Variants in IQCM observed in about 807,000 individuals in gnomAD.
The protein encoded by IQCM is IQ domain-containing protein M.
In IQCM, 45 loss-of-function variants were observed where a neutral mutation model predicts 57.6. The ratio of observed to expected loss-of-function variants is 0.78; its 90% CI spans 0.62 to 1.00. IQCM has a LOEUF of 1.00. IQCM is among the 50% of genes least tolerant of loss of function. The probability of loss-of-function intolerance (pLI) is 0.00; values close to 1 mark genes in which losing one functional copy is unlikely to be tolerated. For missense variants in IQCM, 468 were observed against 511.6 expected (o/e 0.91, Z 0.82); for synonymous variants, 148 against 158.9 (o/e 0.93, Z 0.51).
intron 12 of IQCM, among the ~76,000 whole-genome samples, chr4:149,514,021 TTA>T (rs1579320908): frequency 6.6e-6 from 1 of 152,148 alleles, no homozygotes; most frequent in Non-Finnish European, 1.5e-5. Context: ...TATGTTTGTT[TTA>T]TGTGTCACTC....
intron 10 of IQCM, among the ~76,000 whole-genome samples, chr4:149,556,784 G>T (rs947167091): frequency 2.4e-4 from 36 of 152,078 alleles, no homozygotes; most frequent in African/African-American, 8.5e-4. Flanking sequence ...AGAAACTAGC[G>T]AAGACCTTAT....
chr4:149,501,183 A>C (rs964068615), intron 12 of IQCM, among the ~76,000 whole-genome samples: 5 of 152,118 alleles, frequency 3.3e-5, no homozygotes, highest in African/African-American at 1.2e-4. Flanking sequence ...TTGACTTACA[A>C]TTATATTCTC....
chr4:149,596,015 G>A (rs1315463995), intron 8 of IQCM, among the ~76,000 whole-genome samples: 16 of 152,126 alleles, frequency 1.1e-4, no homozygotes, highest in Non-Finnish European at 8.8e-5. Context: ...AAAAATACAT[G>A]TTGCTTATCT....
chr4:149,397,117 C>G (rs1442767013), intron 13 of IQCM, among the ~76,000 whole-genome samples: 1 of 151,814 alleles, frequency 6.6e-6, no homozygotes, highest in Non-Finnish European at 1.5e-5. Flanking sequence ...TCAGGAACCT[C>G]CATGCCATTT....
chr4:149,510,054 T>C (rs1744240840), intron 12 of IQCM, among the ~76,000 whole-genome samples: 1 of 152,214 alleles, frequency 6.6e-6, no homozygotes, highest in South Asian at 2.1e-4. Context: ...TATTCTAATA[T>C]ATTGCCAACA....
At chr4:149,809,781 C>A (rs763204615) in intron 2 of IQCM, among the ~76,000 whole-genome samples, 2 of 152,128 alleles carry the variant, frequency 1.3e-5, no homozygotes, top group Non-Finnish European at 2.9e-5. Flanking sequence ...CATAAAGCAT[C>A]TCCATTTCAT....
intron 7 of IQCM, among the ~76,000 whole-genome samples, chr4:149,641,944 T>G (rs1758229309): frequency 6.6e-6 from 1 of 152,164 alleles, no homozygotes; most frequent in Non-Finnish European, 1.5e-5. Flanking sequence ...TTCTAAAAAT[T>G]AGTTCAACAA....
At chr4:149,570,442 T>C (rs1333566316) in intron 9 of IQCM, among the ~76,000 whole-genome samples, 1 of 152,026 alleles carries the variant, frequency 6.6e-6, no homozygotes, top group Non-Finnish European at 1.5e-5. Flanking sequence ...TGCCAACTAA[T>C]GGAATGTTAC....
chr4:149,539,475 G>A lies in IQCM; in HGVS notation c.1228+8980C>T, dbSNP rs559891331. 4.9e-4 allele frequency among the ~76,000 whole-genome samples: 74 copies of A among 152,226 alleles called. 1 individual carries two copies. In the South Asian group the frequency reaches 0.015, roughly 32 times the overall value. On this transcript the variant is annotated intron_variant, in intron 12 of 13. Coordinates refer to ENST00000636793, the MANE Select transcript of IQCM (RefSeq NM_001363507.2). ...AATTTAATCTAACATGCTTATGGTT[G>A]TACACCAATGCACATTTACTAAAAA...
chr4:149,353,742 C>T (rs538354162), intron 13 of IQCM, among the ~76,000 whole-genome samples: 13 of 151,950 alleles, frequency 8.6e-5, no homozygotes, highest in Non-Finnish European at 1.9e-4. Flanking sequence ...GTCAAATATA[C>T]AGACATAGAG....
rs539647420 is a variant in IQCM at position 149,378,083 on chromosome 4, G to T, written c.1391-26017C>A. 6.6e-5 allele frequency among the ~76,000 whole-genome samples: 10 copies of T among 152,194 alleles called. No homozygotes were observed. The South Asian group carries it at 2.1e-3, about 32-fold the overall frequency. ...TTATAAGAGGAACACCCTTTCACTTGGTTTTCATTCTCTTGTCTTGTCTGC... is the reference window on the plus strand; with the variant it reads ...TTATAAGAGGAACACCCTTTCACTTTGTTTTCATTCTCTTGTCTTGTCTGC... On this transcript the variant is annotated intron_variant, in intron 13 of 13. Coordinates refer to ENST00000636793, the MANE Select transcript of IQCM (RefSeq NM_001363507.2).
intron 10 of IQCM, among the ~76,000 whole-genome samples, chr4:149,557,512 C>T (rs1749703969): frequency 6.6e-6 from 1 of 152,168 alleles, no homozygotes; most frequent in Non-Finnish European, 1.5e-5. Flanking sequence ...GAATTTCATG[C>T]ACGCTTTTTA....
intron 13 of IQCM, among the ~76,000 whole-genome samples, chr4:149,356,664 G>T (rs1008285469): frequency 6.6e-6 from 1 of 152,178 alleles, no homozygotes; most frequent in African/African-American, 2.4e-5. Flanking sequence ...AGTATAGTTT[G>T]AAGTCAGGTA....
intron 7 of IQCM, among the ~76,000 whole-genome samples, chr4:149,653,009 G>T (rs1287199294): frequency 6.6e-6 from 1 of 152,142 alleles, no homozygotes; most frequent in Non-Finnish European, 1.5e-5. Context: ...AAGCAAAGCT[G>T]CAGACTAGAA....
At chr4:149,766,610 C>G (rs977314210) in intron 2 of IQCM, among the ~76,000 whole-genome samples, 12 of 152,108 alleles carry the variant, frequency 7.9e-5, no homozygotes, top group Admixed American at 5.2e-4. Flanking sequence ...ATAGAGATTA[C>G]TATCAGAAAA....
At chr4:149,611,799 A>G (rs1327944328) in intron 8 of IQCM, among the ~76,000 whole-genome samples, 1 of 152,054 alleles carries the variant, frequency 6.6e-6, no homozygotes, top group African/African-American at 2.4e-5. Context: ...ATGGTTAACT[A>G]TGATTTATTG....
chr4:149,750,701 A>C (rs1768353500), intron 2 of IQCM, among the ~76,000 whole-genome samples: 2 of 152,348 alleles, frequency 1.3e-5, no homozygotes, highest in South Asian at 2.1e-4. Context: ...CCTTAAATAG[A>C]AGCCATTAAC....
chr4:149,762,181 C>G (rs952133334), intron 2 of IQCM, among the ~76,000 whole-genome samples: 1 of 150,938 alleles, frequency 6.6e-6, no homozygotes, highest in Admixed American at 6.6e-5. Context: ...TGCAAGCTTC[C>G]CAAAATAATT....
At position 149,796,732 on chromosome 4, in the gene IQCM, G is replaced by T. The variant is rs150912551; in HGVS notation, c.-49+18579C>A. On this transcript the variant is annotated intron_variant, in intron 2 of 13. Coordinates refer to ENST00000636793, the MANE Select transcript of IQCM (RefSeq NM_001363507.2). ...CAGAATACAGAAAGAGACTCCATTT[G>T]TTTGAGAGAAAGTAAGGGAAGAGGA... 6.6e-4 allele frequency among the ~76,000 whole-genome samples: 100 copies of T among 152,238 alleles called. 4 individuals carry two copies. In the East Asian group the frequency reaches 0.019, roughly 28 times the overall value.
Sources: allele counts gnomAD v4.1 joint callset (sites outside exome capture counted in the v4.1 genomes callset), GRCh38; gene constraint gnomAD v4.1.1; transcripts MANE v1.5; gene names NCBI Gene and HGNC (gene_info 2026-07-23, HGNC 2026-07-21).